Variants in GALR2 observed in about 807,000 individuals in gnomAD.
The protein encoded by GALR2 is galanin receptor 2.
A neutral mutation model predicts 7.2 loss-of-function variants in GALR2; 5 were observed. That is an observed-to-expected ratio of 0.69 (90% CI 0.36 to 1.45). GALR2 has a LOEUF of 1.45. GALR2 is among the 40% of genes most tolerant of loss of function. The pLI, the probability that GALR2 is intolerant of heterozygous loss-of-function variation, is 0.03. For synonymous variants in GALR2, 300 were observed against 263.9 expected, an observed-to-expected ratio of 1.14 and a Z score of -1.32; for missense variants, 561 against 555.7, an observed-to-expected ratio of 1.01 and a Z score of -0.10.
chr17:76,074,324 C>G (rs575148548), upstream of GALR2, among the ~76,000 whole-genome samples: 2 of 152,336 alleles, frequency 1.3e-5, no homozygotes, highest in South Asian at 2.1e-4. The surrounding 1 kb of genome is among the most constrained non-coding windows in gnomAD (Gnocchi z 6.7). Flanking sequence ...GCCCCTCATC[C>G]GCCTCCGCCC....
rs1316137940 is a variant in GALR2, at chr17:76,076,171, T to C, written c.369-465T>C. On this transcript the variant is annotated intron_variant, in intron 1 of 1. Coordinates refer to ENST00000329003, the MANE Select transcript of GALR2 (RefSeq NM_003857.4). The surrounding 1 kb of genome is among the most constrained non-coding windows in gnomAD (Gnocchi z 6.5). ...AGCTCGCATTCTCTCAGGAATCCCC[T>C]GAGAAATTAACTGTCCCTTGCCCAA... is the stretch of plus-strand genomic sequence containing the variant. Among the ~76,000 whole-genome samples the C allele has an allele frequency of 1.3e-5, 2 of 152,228 alleles. No homozygotes were observed. Among genetic ancestry groups the C allele is most frequent in the African/African-American group, 2.4e-5 (1 of 41,470 alleles).
chr17:76,074,879 G>A lies in GALR2; in HGVS notation c.-5G>A, dbSNP rs1465949437. 6.6e-7 allele frequency: 1 copy of A among 1,507,158 alleles called. No homozygotes were observed. Among genetic ancestry groups the A allele is most frequent in the Non-Finnish European group, 8.8e-7 (1 of 1,132,486 alleles). The allele number at this position is 1,507,158 out of a possible 1,614,324, so 93.4% of individuals were successfully genotyped here. A position where few individuals can be genotyped will look rare whatever the true frequency, so the allele number is the denominator to read the frequency against. On this transcript the variant is annotated 5_prime_UTR_variant, in exon 1 of 2. Transcript: ENST00000329003. This position sits in a 1 kb window ranked among gnomAD's most constrained non-coding sequence, Gnocchi z 6.7. ...AGCCCGGGCAGCCTCGGGGTCAGCG[G>A]CACCATGAACGTCTCGGGCTGCCCA...
upstream of GALR2, chr17:76,072,474 C>T (rs745681553): frequency 1.3e-6 from 2 of 1,581,478 alleles, no homozygotes; most frequent in East Asian, 2.3e-5. This position sits in a 1 kb window ranked among gnomAD's most constrained non-coding sequence, Gnocchi z 4.5. Flanking sequence ...CGCCTGGGAC[C>T]TGCTTCTCAG....
Position 76,077,306 on chromosome 17 carries a change from G to T in GALR2, c.1039G>T (p.Glu347Ter). 6.3e-7 allele frequency: 1 copy of T among 1,588,038 alleles called. No homozygotes were observed. The highest frequency in any genetic ancestry group is 8.5e-7 in the Non-Finnish European group (1 of 1,173,864). ...GTCCAGCGACCTGTTGCACATGAGC[G>T]AGGCGGCGGGGGCCCTTCGTCCCTG... Reference protein sequence around the residue: ...RESSDLLHMSEAAGALRPCPG... With the variant: ...RESSDLLHMS The change falls in exon 2 of 2, where the codon GAG becomes TAG. Residue 347 changes from glutamate (E) to a stop codon, truncating the protein, a stop_gained. Transcript: ENST00000329003. LOFTEE classifies it low-confidence loss of function (END_TRUNC).
rs1338611769 is a variant in GALR2 at position 76,076,478 on chromosome 17, C to G, written c.369-158C>G. ...ACGCTGGGAGGCCCCCACCTCCGCC[C>G]TCACGCCGAGCCTCACCCCCACCTC... On this transcript the variant is annotated intron_variant, in intron 1 of 1. Transcript: ENST00000329003. The surrounding 1 kb of genome is among the most constrained non-coding windows in gnomAD (Gnocchi z 6.5). Among the ~76,000 whole-genome samples the G allele has an allele frequency of 2.6e-5, 4 of 152,332 alleles. No individual in the cohort carries two copies. Among genetic ancestry groups the G allele is most frequent in the East Asian group, 1.9e-4 (1 of 5,180 alleles).
rs760174198 is a variant in GALR2 at position 76,074,928 on chromosome 17, G to A, written c.45G>A (p.Ala15=). 1 of 1,553,340 alleles carries A rather than the reference G, an allele frequency of 6.4e-7. No individual in the cohort carries two copies. Among genetic ancestry groups the A allele is most frequent in the Non-Finnish European group, 8.6e-7 (1 of 1,156,906 alleles). ...CAGGGGCCGGGAACGCGAGCCAGGCGGGCGGCGGGGGAGGCTGGCACCCCG... is the reference window on the plus strand; with the variant it reads ...CAGGGGCCGGGAACGCGAGCCAGGCAGGCGGCGGGGGAGGCTGGCACCCCG... ...GCPGAGNASQ[A]GGGGGWHPEA... is the part of the protein sequence containing the mutation. Residue 15 remains alanine (A), a synonymous_variant, in exon 1 of 2, where the codon GCG becomes GCA. Coordinates refer to ENST00000329003, the MANE Select transcript of GALR2 (RefSeq NM_003857.4). The surrounding 1 kb of genome is among the most constrained non-coding windows in gnomAD (Gnocchi z 6.7).
rs1224281718 is a variant in GALR2 at position 76,077,005 on chromosome 17, C to A, written c.738C>A (p.Cys246Ter). The part of the protein sequence containing the change: ...RMILIVAALF[C>*]LCWMPHHALI... ...TCCTCATCGTGGCCGCGCTCTTCTG[C>A]CTCTGCTGGATGCCCCACCACGCGC... is the stretch of plus-strand genomic sequence containing the variant. Residue 246 changes from cysteine to a stop codon, truncating the protein, a stop_gained, in exon 2 of 2, where the codon TGC becomes TGA. Transcript: ENST00000329003. LOFTEE classifies it low-confidence loss of function (END_TRUNC). 1.9e-6 allele frequency: 3 copies of A among 1,610,802 alleles called. No homozygotes were observed. The highest frequency in any genetic ancestry group is 2.5e-6 in the Non-Finnish European group (3 of 1,179,880).
At position 76,075,050 on chromosome 17, in the gene GALR2, C is replaced by A. The variant is rs751415157; in HGVS notation, c.167C>A (p.Ala56Glu). ...GCGGTGCTGCTGCGCGGCGGCCAGG[C>A]GGTCAGCACTACCAACCTGTTCATC... ...VLAVLLRGGQ[A>E]VSTTNLFILN... The change falls in exon 1 of 2, where the codon GCG becomes GAG. Residue 56 changes from alanine (A) to glutamate (E), a missense_variant. Physicochemically the swap from Ala to Glu is moderately radical, Grantham distance 107. Coordinates refer to ENST00000329003, the MANE Select transcript of GALR2 (RefSeq NM_003857.4). This position sits in a 1 kb window ranked among gnomAD's most constrained non-coding sequence, Gnocchi z 5.9. 3 of 1,611,214 alleles carry A rather than the reference C, an allele frequency of 1.9e-6. No individual in the cohort carries two copies. Among genetic ancestry groups the A allele is most frequent in the African/African-American group, 1.3e-5 (1 of 74,872 alleles).
At position 76,075,069 on chromosome 17, in the gene GALR2, G is replaced by A; in HGVS notation, c.186G>A (p.Leu62=). 1.2e-6 allele frequency: 2 copies of A among 1,612,004 alleles called. No homozygotes were observed. The highest frequency in any genetic ancestry group is 1.7e-6 in the Non-Finnish European group (2 of 1,180,002). ...GCCAGGCGGTCAGCACTACCAACCTGTTCATCCTTAACCTGGGCGTGGCCG... is the reference window on the plus strand; with the variant it reads ...GCCAGGCGGTCAGCACTACCAACCTATTCATCCTTAACCTGGGCGTGGCCG... ...RGGQAVSTTN[L]FILNLGVADL... The change falls in exon 1 of 2, where the codon CTG becomes CTA. Residue 62 remains leucine (L), a synonymous_variant. Coordinates refer to ENST00000329003, the MANE Select transcript of GALR2 (RefSeq NM_003857.4). This position sits in a 1 kb window ranked among gnomAD's most constrained non-coding sequence, Gnocchi z 5.9.
upstream of GALR2, among the ~76,000 whole-genome samples, chr17:76,073,716 C>A (rs1421767221): frequency 6.6e-6 from 1 of 151,254 alleles, no homozygotes; most frequent in Non-Finnish European, 1.5e-5. Flanking sequence ...TCAGCAGATC[C>A]CTCTTAGAAG....
In GALR2 at chr17:76,077,014, G is replaced by T. The variant is rs1210183248; in HGVS notation, c.747G>T (p.Trp249Cys). 6.2e-7 allele frequency: 1 copy of T among 1,611,586 alleles called. No homozygotes were observed. Among genetic ancestry groups the T allele is most frequent in the Non-Finnish European group, 8.5e-7 (1 of 1,179,892 alleles). ...TGGCCGCGCTCTTCTGCCTCTGCTG[G>T]ATGCCCCACCACGCGCTCATCCTCT... ...LIVAALFCLC[W>C]MPHHALILCV... The change falls in exon 2 of 2, where the codon TGG (tryptophan) becomes TGT (cysteine). Residue 249 changes from tryptophan (W) to cysteine (C), a missense_variant. Trp to Cys is a radical substitution (Grantham distance 215). Coordinates refer to ENST00000329003, the MANE Select transcript of GALR2 (RefSeq NM_003857.4).
At chr17:76,071,967 C>T, upstream of GALR2, 1 of 419,816 alleles carries the variant, frequency 2.4e-6, no homozygotes, top group Non-Finnish European at 4.3e-6. This position sits in a 1 kb window ranked among gnomAD's most constrained non-coding sequence, Gnocchi z 4.7. Context: ...GTTTCCTCTC[C>T]CCAGTTCAGT....
upstream of GALR2, chr17:76,072,606 G>A (rs1224918391): frequency 2.7e-6 from 4 of 1,464,594 alleles, no homozygotes; most frequent in Non-Finnish European, 3.6e-6. The surrounding 1 kb of genome is among the most constrained non-coding windows in gnomAD (Gnocchi z 4.5). Flanking sequence ...CGCCGCCGTC[G>A]GCCCTTGCTG....
Position 76,077,279 on chromosome 17 carries a change from G to T in GALR2, c.1012G>T (p.Glu338Ter), listed in dbSNP as rs780558089. 2 of 1,599,484 alleles carry T rather than the reference G, an allele frequency of 1.3e-6. No individual in the cohort carries two copies. The highest frequency in any genetic ancestry group is 1.7e-5 in the Admixed American group (1 of 59,298). The part of the protein sequence containing the change: ...GTHSGSVLER[E>*]SSDLLHMSEA... ...CCACAGTGGCAGCGTGTTGGAGCGC[G>T]AGTCCAGCGACCTGTTGCACATGAG... Residue 338 changes from glutamate (E) to a stop codon, truncating the protein, a stop_gained, in exon 2 of 2, where the codon GAG (glutamate) becomes TAG (stop). Coordinates refer to ENST00000329003, the MANE Select transcript of GALR2 (RefSeq NM_003857.4). LOFTEE classifies it low-confidence loss of function (END_TRUNC).
chr17:76,077,083 G>A lies in GALR2; in HGVS notation c.816G>A (p.Ala272=). Residue 272 remains alanine (A), a synonymous_variant, in exon 2 of 2, where the codon GCG becomes GCA. Coordinates refer to ENST00000329003, the MANE Select transcript of GALR2 (RefSeq NM_003857.4). The part of the protein sequence containing the change: ...GQFPLTRATY[A]LRILSHLVSY... The stretch of plus-strand genomic sequence containing the variant: ...TCCCGCTCACGCGCGCCACTTATGC[G>A]CTTCGCATCCTCTCGCACCTGGTCT... 4 of 1,613,026 alleles carry A rather than the reference G, an allele frequency of 2.5e-6. No homozygotes were observed. The highest frequency in any genetic ancestry group is 1.1e-5 in the South Asian group (1 of 91,078).
upstream of GALR2, chr17:76,072,322 C>G (rs756221342): frequency 6.2e-7 from 1 of 1,612,306 alleles, no homozygotes; most frequent in Non-Finnish European, 8.5e-7. This position sits in a 1 kb window ranked among gnomAD's most constrained non-coding sequence, Gnocchi z 4.5. Flanking sequence ...CAAACTCAGG[C>G]TATCCCCAAA....
chr17:76,075,088 G>A lies in GALR2; in HGVS notation c.205G>A (p.Val69Met). The A allele has an allele frequency of 1.2e-6, 2 of 1,612,148 alleles. No homozygotes were observed. The highest frequency in any genetic ancestry group is 8.5e-7 in the Non-Finnish European group (1 of 1,179,988). ...CAACCTGTTCATCCTTAACCTGGGC[G>A]TGGCCGACCTGTGTTTCATCCTGTG... ...TTNLFILNLG[V>M]ADLCFILCCV... Residue 69 changes from valine to methionine, a missense_variant, in exon 1 of 2, where the codon GTG (valine) becomes ATG (methionine). Coordinates refer to ENST00000329003, the MANE Select transcript of GALR2 (RefSeq NM_003857.4). This position sits in a 1 kb window ranked among gnomAD's most constrained non-coding sequence, Gnocchi z 5.9.
chr17:76,076,947 C>T lies in GALR2; in HGVS notation c.680C>T (p.Ala227Val), dbSNP rs140278862. The T allele has an allele frequency of 6.2e-7, 1 of 1,602,252 alleles. No individual in the cohort carries two copies. The change falls in exon 2 of 2, where the codon GCC becomes GTC. Residue 227 changes from alanine (A) to valine (V), a missense_variant. Transcript: ENST00000329003. This position sits in a 1 kb window ranked among gnomAD's most constrained non-coding sequence, Gnocchi z 6.5. ...AVDPVAAGSGARRAKRKVTRM... is the reference protein window; with the variant it reads ...AVDPVAAGSGVRRAKRKVTRM... ...GACCCGGTGGCCGCGGGCTCGGGTG[C>T]CCGGCGCGCCAAGCGCAAGGTGACA...
rs1425884007 is a variant in GALR2 at position 76,076,750 on chromosome 17, G to C, written c.483G>C (p.Leu161=). ...CGCTGCTCTTCTCCGGGCCCTACCT[G>C]AGCTACTACCGCCAGTCGCAGCTGG... ...GLSLLFSGPY[L]SYYRQSQLAN... is the part of the protein sequence containing the mutation. The change falls in exon 2 of 2, where the codon CTG becomes CTC. Residue 161 remains leucine, a synonymous_variant. Transcript: ENST00000329003. The surrounding 1 kb of genome is among the most constrained non-coding windows in gnomAD (Gnocchi z 6.5). 3 of 1,605,510 alleles carry C rather than the reference G, an allele frequency of 1.9e-6. No homozygotes were observed. The African/African-American group carries it at 4.0e-5, about 21-fold the overall frequency.
Sources: gnomAD v4.1 joint callset for allele counts (sites outside exome capture counted in the v4.1 genomes callset) on GRCh38, gnomAD v4.1.1 for gene constraint, Gnocchi (gnomAD v3.1) non-coding constraint, MANE v1.5 for transcripts, NCBI Gene and HGNC (gene_info 2026-07-23, HGNC 2026-07-21) for gene names.